The following MYSM1 variants were observed in gnomAD, a reference collection of about 807,000 sequenced individuals.
MYSM1 encodes the protein deubiquitinase MYSM1.
Under a neutral mutation model 116.0 loss-of-function variants are expected in MYSM1, and 51 were observed. The ratio of observed to expected loss-of-function variants is 0.44; its 90% CI spans 0.35 to 0.56. MYSM1 has a LOEUF of 0.56. Among genes scored for constraint, MYSM1 ranks in the 20% least tolerant of loss-of-function variants. The pLI, the probability that MYSM1 is intolerant of heterozygous loss-of-function variation, is 0.00. For synonymous variants in MYSM1, 313 were observed against 315.2 expected, an observed-to-expected ratio of 0.99 and a Z score of 0.07; for missense variants, 900 against 974.9, an observed-to-expected ratio of 0.92 and a Z score of 1.02.
rs748686799 is a variant in MYSM1, at chr1:58,690,327, A to G, written c.296+13T>C. 1 of 1,592,774 alleles carries G rather than the reference A, an allele frequency of 6.3e-7. No homozygotes were observed. The highest frequency in any genetic ancestry group is 8.5e-7 in the Non-Finnish European group (1 of 1,170,846). ...CAATCCAGACTTTTAGAAATATTAT[A>G]AATTGATTTTACCTCTTCATGTATT... On this transcript the variant is annotated intron_variant, in intron 4 of 19. Coordinates refer to ENST00000472487, the MANE Select transcript of MYSM1 (RefSeq NM_001085487.3).
Position 58,657,650 on chromosome 1 carries a change from A to C in MYSM1, c.*2347T>G, listed in dbSNP as rs749863129. On this transcript the variant is annotated 3_prime_UTR_variant, in exon 20 of 20. Coordinates refer to ENST00000472487, the MANE Select transcript of MYSM1 (RefSeq NM_001085487.3). Reference sequence around the variant, plus strand: ...AAAAATGGGGAAGGATTTATATACTAATTGTGTTTTTTTAAATAGTAGCAC... The same window carrying C: ...AAAAATGGGGAAGGATTTATATACTCATTGTGTTTTTTTAAATAGTAGCAC... The C allele has an allele frequency of 2.5e-4, 38 of 152,130 alleles. 1 individual carries two copies. Among genetic ancestry groups the C allele is most frequent in the Non-Finnish European group, 5.1e-4 (35 of 68,036 alleles). The allele number at this position is 152,130 out of a possible 1,614,324, so 9.4% of individuals were successfully genotyped here.
intron 1 of MYSM1, among the ~76,000 whole-genome samples, chr1:58,696,859 G>A (rs750719469): frequency 2.0e-5 from 3 of 152,168 alleles, no homozygotes; most frequent in South Asian, 2.1e-4. Context: ...TAGGTAGGGC[G>A]TGGATCACTC....
In MYSM1 at chr1:58,667,123, A is replaced by T. The variant is rs758032156; in HGVS notation, c.1946T>A (p.Phe649Tyr). 33 of 1,613,552 alleles carry T rather than the reference A, an allele frequency of 2.0e-5. No individual in the cohort carries two copies. The South Asian group carries it at 3.5e-4, about 17-fold the overall frequency. Residue 649 changes from phenylalanine to tyrosine, a missense_variant, in exon 16 of 20, where the codon TTC becomes TAC. Coordinates refer to ENST00000472487, the MANE Select transcript of MYSM1 (RefSeq NM_001085487.3). ...AGAATGATACCATCCAATAACACTG[A>T]AGCCTCTAACAGCCAAGGTTTCTGA... ...QASETLAVRG[F>Y]SVIGWYHSHP...
In MYSM1 at chr1:58,699,965, A is replaced by G; in HGVS notation, c.68+20T>C. Reference sequence around the variant, plus strand: ...CCACTCCCCTCTCCGCCCCAGAGAGACCCGGTCTCTAAGCCTCACCCTGGC... The same window carrying G: ...CCACTCCCCTCTCCGCCCCAGAGAGGCCCGGTCTCTAAGCCTCACCCTGGC... On this transcript the variant is annotated intron_variant, in intron 1 of 19. Transcript: ENST00000472487. 6.2e-7 allele frequency: 1 copy of G among 1,613,136 alleles called. No homozygotes were observed. Among genetic ancestry groups the G allele is most frequent in the Non-Finnish European group, 8.5e-7 (1 of 1,179,852 alleles).
At chr1:58,679,810 C>T (rs1644710764) in intron 8 of MYSM1, among the ~76,000 whole-genome samples, 1 of 151,416 alleles carries the variant, frequency 6.6e-6, no homozygotes, top group Admixed American at 6.6e-5. Context: ...AGTGGATTAC[C>T]TGAGGTCAGG....
chr1:58,698,161 C>T (rs1214886571), intron 1 of MYSM1, among the ~76,000 whole-genome samples: 2 of 128,088 alleles, frequency 1.6e-5, no homozygotes. Flanking sequence ...AGTGCGGTGG[C>T]GTGATCTCCG....
intron 9 of MYSM1, 30 bp from the exon 10 acceptor site, chr1:58,675,610 C>G (rs1644638422): frequency 6.4e-7 from 1 of 1,565,638 alleles, no homozygotes; most frequent in Admixed American, 1.7e-5. Context: ...ATAAAACCAT[C>G]TATTATTTTG....
intron 2 of MYSM1, 65 bp downstream of exon 2, chr1:58,695,064 A>C (rs1193432759): frequency 3.4e-6 from 3 of 880,666 alleles, no homozygotes; most frequent in Non-Finnish European, 5.2e-6. Context: ...AAAAAAAAAA[A>C]AGAAGAAGCA....
chr1:58,698,102 A>ATATATTTTTTTTTTT, intron 1 of MYSM1, among the ~76,000 whole-genome samples: 4 of 7,770 alleles, frequency 5.1e-4, no homozygotes, highest in African/African-American at 1.0e-3. Context: ...ATATATATAT[A>ATATATTTTTTTTTTT]TTTTTTTTTT....
At chr1:58,699,894 T>C in intron 1 of MYSM1, 91 bp downstream of exon 1, 20 of 1,585,598 alleles carry the variant, frequency 1.3e-5, no homozygotes, top group Non-Finnish European at 1.7e-5. Context: ...TCTGTTCCCT[T>C]TTCCCTTGCC....
At chr1:58,670,287 G>A (rs1281057006) in intron 12 of MYSM1, among the ~76,000 whole-genome samples, 1 of 152,178 alleles carries the variant, frequency 6.6e-6, no homozygotes, top group African/African-American at 2.4e-5. Flanking sequence ...AGAACATCCT[G>A]GAGTACTTAA....
chr1:58,663,076 AAAG>A (rs1644418281), intron 17 of MYSM1, among the ~76,000 whole-genome samples: 1 of 152,202 alleles, frequency 6.6e-6, no homozygotes, highest in South Asian at 2.1e-4. Context: ...CAGATGTAGC[AAAG>A]GAGAATGAGG....
chr1:58,683,879 T>C (rs1382430444), intron 7 of MYSM1, among the ~76,000 whole-genome samples: 1 of 152,222 alleles, frequency 6.6e-6, no homozygotes, highest in Non-Finnish European at 1.5e-5. Context: ...AAATTTTGCA[T>C]TGATTTCATA....
At chr1:58,687,416 A>G (rs1644842705) in intron 6 of MYSM1, among the ~76,000 whole-genome samples, 3 of 152,178 alleles carry the variant, frequency 2.0e-5, no homozygotes, top group African/African-American at 7.2e-5. Context: ...TGAATTTTAA[A>G]CCATGCAAAT....
chr1:58,691,509 A>G (rs1385187346), intron 3 of MYSM1, among the ~76,000 whole-genome samples: 2 of 152,202 alleles, frequency 1.3e-5, no homozygotes, highest in African/African-American at 4.8e-5. Flanking sequence ...CCACATGTGC[A>G]TCGCTGGTTT....
At chr1:58,689,331 C>T in intron 5 of MYSM1, 1 of 460,876 alleles carries the variant, frequency 2.2e-6, no homozygotes, top group Non-Finnish European at 3.8e-6. Flanking sequence ...ATGGGAGCCC[C>T]AAAAGACATA....
In MYSM1 at chr1:58,657,632, G is replaced by C. The variant is rs1403206139; in HGVS notation, c.*2365C>G. On this transcript the variant is annotated 3_prime_UTR_variant, in exon 20 of 20. Coordinates refer to ENST00000472487, the MANE Select transcript of MYSM1 (RefSeq NM_001085487.3). ...CTAAAATTATACTGTCAAAAAAATGGGGAAGGATTTATATACTAATTGTGT... is the reference window on the plus strand; with the variant it reads ...CTAAAATTATACTGTCAAAAAAATGCGGAAGGATTTATATACTAATTGTGT... The C allele has an allele frequency of 1.3e-5, 2 of 152,108 alleles. No homozygotes were observed. The highest frequency in any genetic ancestry group is 2.9e-5 in the Non-Finnish European group (2 of 68,028). The allele number at this position is 152,108 out of a possible 1,614,324, so 9.4% of individuals were successfully genotyped here.
chr1:58,678,143 G>C (rs192761252), intron 8 of MYSM1, among the ~76,000 whole-genome samples: 6 of 152,278 alleles, frequency 3.9e-5, no homozygotes, highest in South Asian at 4.1e-4. Flanking sequence ...CAAGGGGATA[G>C]AGTGGGACAA....
intron 7 of MYSM1, among the ~76,000 whole-genome samples, chr1:58,684,810 C>G (rs1422308000): frequency 1.3e-5 from 2 of 151,982 alleles, no homozygotes; most frequent in Non-Finnish European, 2.9e-5. Flanking sequence ...GTTTCTACAA[C>G]ACAAATATTT....
Sources: gnomAD v4.1 joint callset for allele counts (sites outside exome capture counted in the v4.1 genomes callset) on GRCh38, gnomAD v4.1.1 for gene constraint, MANE v1.5 for transcripts, NCBI Gene and HGNC (gene_info 2026-07-23, HGNC 2026-07-21) for gene names.